Variants in COLQ observed in about 807,000 individuals in gnomAD.
COLQ encodes acetylcholinesterase collagenic tail peptide.
Under a neutral mutation model 69.0 loss-of-function variants are expected in COLQ, and 48 were observed. The observed-to-expected ratio is 0.70, with a 90% CI of 0.55 to 0.88. COLQ has a LOEUF of 0.88. COLQ is among the 40% of genes least tolerant of loss of function. The pLI is 0.00. For missense variants in COLQ, 618 were observed against 594.6 expected (o/e 1.04, Z -0.41); for synonymous variants, 217 against 211.2 (o/e 1.03, Z -0.24).
intron 5 of COLQ, chr3:15,477,464 A>ACCCACC: frequency 2.2e-6 from 1 of 461,034 alleles, no homozygotes; most frequent in Non-Finnish European, 4.0e-6. Context: ...TGTCACTTCT[A>ACCCACC]CCCACCCCCA....
intron 1 of COLQ, among the ~76,000 whole-genome samples, chr3:15,513,794 T>C (rs187671354): frequency 1.2e-4 from 19 of 152,310 alleles, no homozygotes; most frequent in African/African-American, 4.3e-4. Flanking sequence ...AAAAACTAGG[T>C]AACCTGTGGC....
At chr3:15,475,631 C>T in intron 6 of COLQ, 144 bp from the exon 7 acceptor site, 1 of 730,922 alleles carries the variant, frequency 1.4e-6, no homozygotes, top group Non-Finnish European at 2.4e-6. Context: ...CCACTTTCTC[C>T]CTCCTGAGGT....
intron 1 of COLQ, 143 bp downstream of exon 1, chr3:15,521,377 C>G: frequency 9.4e-7 from 1 of 1,068,992 alleles, no homozygotes. Flanking sequence ...TGACAGGAAG[C>G]TGCTGGGGTG....
At position 15,466,506 on chromosome 3, in the gene COLQ, C is replaced by A; in HGVS notation, c.718-69G>T. 3.0e-6 allele frequency: 4 copies of A among 1,330,288 alleles called. No homozygotes were observed. In the South Asian group the frequency reaches 3.6e-5, roughly 12 times the overall value. 82.4% of individuals were successfully genotyped at this position (1,330,288 alleles called of 1,614,324 possible). ...GCAAGCTTCCCGCCCCATTTATCAC[C>A]AAATCAGAGATCACCTTGCACTTAA... On this transcript the variant is annotated intron_variant, in intron 11 of 16. Transcript: ENST00000383788.
intron 3 of COLQ, among the ~76,000 whole-genome samples, chr3:15,481,633 G>C (rs1322067386): frequency 1.3e-5 from 2 of 152,208 alleles, no homozygotes; most frequent in Non-Finnish European, 2.9e-5. Flanking sequence ...AGTATAGTTT[G>C]AAGTCAGGTA....
intron 1 of COLQ, among the ~76,000 whole-genome samples, chr3:15,504,790 C>T (rs1266135580): frequency 6.6e-6 from 1 of 152,174 alleles, no homozygotes; most frequent in African/African-American, 2.4e-5. Context: ...AACCCGGAAA[C>T]TGAAGGTTGC....
At chr3:15,454,709 G>A (rs1269021687) in intron 15 of COLQ, among the ~76,000 whole-genome samples, 2 of 147,332 alleles carry the variant, frequency 1.4e-5, no homozygotes, top group South Asian at 2.1e-4. Context: ...AGCCTGGAGT[G>A]CAGTGGTGCA....
intron 1 of COLQ, among the ~76,000 whole-genome samples, chr3:15,491,742 TC>T (rs1479020456): frequency 2.0e-5 from 3 of 152,132 alleles, no homozygotes; most frequent in African/African-American, 7.2e-5. Context: ...TGCTCTTAAT[TC>T]TACATAAAAG....
At chr3:15,498,605 A>C (rs2062785874) in intron 1 of COLQ, 1 of 1,551,754 alleles carries the variant, frequency 6.4e-7, no homozygotes, top group East Asian at 2.4e-5. Flanking sequence ...CAGGGCCCAA[A>C]GCGGACTGGC....
In COLQ at chr3:15,455,571, C is replaced by T. The variant is rs142984157; in HGVS notation, c.1195+328G>A. ...CTCCATGCAAAGTGAGAGCCCATCA[C>T]CTTTATCTTCTGCACCTGTAACATG... On this transcript the variant is annotated intron_variant, in intron 15 of 16. Transcript: ENST00000383788. Among the ~76,000 whole-genome samples the T allele has an allele frequency of 4.4e-3, 675 of 152,312 alleles. 7 individuals carry two copies. Among genetic ancestry groups the T allele is most frequent in the African/African-American group, 0.015 (628 of 41,564 alleles).
At chr3:15,477,218 AGTC>A in intron 5 of COLQ, 21 bp from the exon 6 acceptor site, 1 of 1,594,850 alleles carries the variant, frequency 6.3e-7, no homozygotes, top group South Asian at 1.1e-5. Flanking sequence ...CAAGAACAAA[AGTC>A]AGGGCAACTG....
chr3:15,497,833 A>C (rs1197743838), intron 1 of COLQ, among the ~76,000 whole-genome samples: 2 of 152,216 alleles, frequency 1.3e-5, no homozygotes, highest in Non-Finnish European at 2.9e-5. Flanking sequence ...CAATTTGCCC[A>C]AAATTCCCCC....
chr3:15,492,348 A>G (rs1023611499), intron 1 of COLQ, among the ~76,000 whole-genome samples: 9 of 152,152 alleles, frequency 5.9e-5, no homozygotes, highest in Admixed American at 5.2e-4. Context: ...AGAAAACTCA[A>G]TTTATATTAT....
In COLQ at chr3:15,455,998, C is replaced by T. The variant is rs1292292004; in HGVS notation, c.1096G>A (p.Asp366Asn). Residue 366 changes from aspartate (D) to asparagine (N), a missense_variant, in exon 15 of 17, where the codon GAT becomes AAT. Coordinates refer to ENST00000383788, the MANE Select transcript of COLQ (RefSeq NM_005677.4). ...GTGCCGTGCTGGTCTGCAGTGTAAT[C>T]CACAGGGTAGAAAGGGGTCAGCTGG... The part of the protein sequence containing the change: ...PIQLTPFYPV[D>N]YTADQHGTCG... The T allele has an allele frequency of 6.2e-7, 1 of 1,613,912 alleles. No homozygotes were observed. The highest frequency in any genetic ancestry group is 1.1e-5 in the South Asian group (1 of 91,080).
In COLQ at chr3:15,470,529, T is replaced by A; in HGVS notation, c.717+7A>T. On this transcript the variant is annotated splice_region_variant and intron_variant, in intron 11 of 16. Transcript: ENST00000383788. ...CTCAGGCGGGTGGTAAGCCCTGGGATCCTTACCTGCTTGCCTCGTTTTCCT... is the reference window on the plus strand; with the variant it reads ...CTCAGGCGGGTGGTAAGCCCTGGGAACCTTACCTGCTTGCCTCGTTTTCCT... The A allele has an allele frequency of 6.2e-7, 1 of 1,613,062 alleles. No homozygotes were observed. Among genetic ancestry groups the A allele is most frequent in the African/African-American group, 1.3e-5 (1 of 75,000 alleles).
chr3:15,459,059 G>A (rs1045114495), intron 12 of COLQ, among the ~76,000 whole-genome samples: 1 of 152,068 alleles, frequency 6.6e-6, no homozygotes, highest in Non-Finnish European at 1.5e-5. Context: ...GGCCAGGCTG[G>A]TCTCGATCTC....
chr3:15,489,565 G>T lies in COLQ; in HGVS notation c.179C>A (p.Pro60Gln). ...ACCLLTPPPP[P>Q]LFPPPFFRGG... Reference sequence around the variant, plus strand: ...TCTGAAGAATGGTGGTGGGAACAGTGGTGGTGGAGGAGGCGTCAGCAGGCA... The same window carrying T: ...TCTGAAGAATGGTGGTGGGAACAGTTGTGGTGGAGGAGGCGTCAGCAGGCA... Residue 60 changes from proline (P) to glutamine (Q), a missense_variant, in exon 2 of 17, where the codon CCA (proline) becomes CAA (glutamine). Transcript: ENST00000383788. The T allele has an allele frequency of 6.2e-7, 1 of 1,614,176 alleles. No individual in the cohort carries two copies. Among genetic ancestry groups the T allele is most frequent in the Non-Finnish European group, 8.5e-7 (1 of 1,180,024 alleles).
At chr3:15,482,299 G>A (rs2062500818) in intron 3 of COLQ, among the ~76,000 whole-genome samples, 1 of 152,166 alleles carries the variant, frequency 6.6e-6, no homozygotes, top group Non-Finnish European at 1.5e-5. Context: ...GTTTTCAAAG[G>A]GAATGCTTCC....
chr3:15,489,588 G>A lies in COLQ; in HGVS notation c.156C>T (p.Cys52=), dbSNP rs758060872. Residue 52 remains cysteine (C), a synonymous_variant, in exon 2 of 17, where the codon TGC becomes TGT. Coordinates refer to ENST00000383788, the MANE Select transcript of COLQ (RefSeq NM_005677.4). ...GTGGTGGTGGAGGAGGCGTCAGCAG[G>A]CAGCATGCTTTGTGGCCACCACGCT... ...QKKRGGHKAC[C]LLTPPPPPLF... 6.2e-6 allele frequency: 10 copies of A among 1,614,110 alleles called. No homozygotes were observed. Among genetic ancestry groups the A allele is most frequent in the African/African-American group, 4.0e-5 (3 of 74,946 alleles).
Sources: allele counts gnomAD v4.1 joint callset (sites outside exome capture counted in the v4.1 genomes callset), GRCh38; gene constraint gnomAD v4.1.1; transcripts MANE v1.5; gene names NCBI Gene and HGNC (gene_info 2026-07-23, HGNC 2026-07-21).